CACNB4: variants seen among roughly 807,000 people sequenced by gnomAD.
CACNB4 encodes calcium voltage-gated channel auxiliary subunit beta 4.
In CACNB4, 32 loss-of-function variants were observed where a neutral mutation model predicts 71.2. The observed-to-expected ratio is 0.45, with a 90% confidence interval of 0.34 to 0.60. CACNB4 has a LOEUF of 0.60. Among genes scored for constraint, CACNB4 ranks in the 20% least tolerant of loss-of-function variants. CACNB4 has a pLI of 0.01. For missense variants in CACNB4, 464 were observed against 647.9 expected (o/e 0.72, Z 3.08); for synonymous variants, 231 against 236.9 (o/e 0.97, Z 0.23).
At chr2:151,888,243 C>T (rs1479237867) in intron 2 of CACNB4, among the ~76,000 whole-genome samples, 1 of 151,990 alleles carries the variant, frequency 6.6e-6, no homozygotes, top group Non-Finnish European at 1.5e-5. Context: ...CAAGGAGAAG[C>T]AAGGGTCTAC....
chr2:152,077,700 T>A lies in CACNB4; in HGVS notation c.147+20630A>T, dbSNP rs1204812312. ...GAGCCAAGATTGTGCCATTGCATTC[T>A]AGCCTGGGCGACAGAGGGACACTCC... On this transcript the variant is annotated intron_variant, in intron 2 of 13. Transcript: ENST00000539935. Among the ~76,000 whole-genome samples the A allele has an allele frequency of 2.0e-5, 3 of 151,780 alleles. No homozygotes were observed. The South Asian group carries it at 6.2e-4, about 32-fold the overall frequency.
At chr2:151,978,952 C>A (rs1421864529) in intron 2 of CACNB4, among the ~76,000 whole-genome samples, 1 of 152,080 alleles carries the variant, frequency 6.6e-6, no homozygotes, top group Non-Finnish European at 1.5e-5. Context: ...CACCTAGTGA[C>A]AGCACCCCCG....
chr2:152,035,555 GTC>G (rs1252359463), intron 2 of CACNB4, among the ~76,000 whole-genome samples: 1 of 136,960 alleles, frequency 7.3e-6, no homozygotes, highest in Middle Eastern at 4.7e-3. Context: ...GCGAAACTCC[GTC>G]TCTCTCTCTC....
intron 2 of CACNB4, among the ~76,000 whole-genome samples, chr2:152,081,947 T>G (rs550774811): frequency 6.6e-6 from 1 of 152,228 alleles, no homozygotes; most frequent in Non-Finnish European, 1.5e-5. Context: ...AGAATCAACC[T>G]TGTGGTTCCA....
At chr2:152,077,569 A>G (rs565666164) in intron 2 of CACNB4, among the ~76,000 whole-genome samples, 1 of 152,008 alleles carries the variant, frequency 6.6e-6, no homozygotes, top group African/African-American at 2.4e-5. Context: ...AACAAACAAA[A>G]AAATACAAAA....
intron 2 of CACNB4, among the ~76,000 whole-genome samples, chr2:152,001,171 G>A (rs192722879): frequency 5.3e-5 from 8 of 152,218 alleles, no homozygotes; most frequent in Non-Finnish European, 7.4e-5. Flanking sequence ...CTAGGAGGTC[G>A]GGATCAGAGC....
chr2:151,838,370 A>G lies in CACNB4; in HGVS notation c.*749T>C, dbSNP rs758849000. ...TTTGTATTTGTTTTTGCCAACTTCA[A>G]ATGAGCTAACAGTACTGACCAAACA... On this transcript the variant is annotated 3_prime_UTR_variant, in exon 14 of 14. Transcript: ENST00000539935. 3 of 152,752 alleles carry G rather than the reference A, an allele frequency of 2.0e-5. No individual in the cohort carries two copies. The highest frequency in any genetic ancestry group is 2.1e-4 in the South Asian group (1 of 4,826). The allele number at this position is 152,752 out of a possible 1,614,324, so 9.5% of individuals were successfully genotyped here.
intron 2 of CACNB4, among the ~76,000 whole-genome samples, chr2:152,097,110 T>G (rs564067983): frequency 9.2e-5 from 14 of 152,238 alleles, no homozygotes; most frequent in Admixed American, 9.2e-4. Flanking sequence ...ATTTCCATAA[T>G]GTACATGCTT....
intron 2 of CACNB4, among the ~76,000 whole-genome samples, chr2:152,029,318 C>A (rs1268442720): frequency 9.9e-5 from 15 of 151,630 alleles, no homozygotes; most frequent in Admixed American, 9.9e-4. Flanking sequence ...CATGGTGAAG[C>A]CCCGTCTCTA....
chr2:151,999,337 A>G (rs1427872981), intron 2 of CACNB4, among the ~76,000 whole-genome samples: 1 of 149,462 alleles, frequency 6.7e-6, no homozygotes, highest in Non-Finnish European at 1.5e-5. Context: ...ATTTCTTTCC[A>G]GTTGATGGTA....
chr2:151,993,393 C>T (rs914545969), intron 2 of CACNB4, among the ~76,000 whole-genome samples: 1 of 151,846 alleles, frequency 6.6e-6, no homozygotes, highest in Non-Finnish European at 1.5e-5. Flanking sequence ...TGGAACTGGA[C>T]GAGAAGGTAC....
intron 12 of CACNB4, among the ~76,000 whole-genome samples, chr2:151,842,762 T>G (rs1309080341): frequency 3.3e-5 from 5 of 152,214 alleles, no homozygotes; most frequent in Admixed American, 3.3e-4. Flanking sequence ...CTACACACTT[T>G]GGAATATGAG....
At chr2:152,000,911 C>T (rs1371266055) in intron 2 of CACNB4, among the ~76,000 whole-genome samples, 1 of 152,160 alleles carries the variant, frequency 6.6e-6, no homozygotes, top group African/African-American at 2.4e-5. Context: ...CCACCGTCAC[C>T]GCCCCAGAGG....
At chr2:152,024,517 T>C (rs1313770160) in intron 2 of CACNB4, among the ~76,000 whole-genome samples, 6 of 152,264 alleles carry the variant, frequency 3.9e-5, no homozygotes, top group Non-Finnish European at 5.9e-5. Flanking sequence ...AATTTTCTTA[T>C]TGGATAGCCC....
chr2:152,012,638 A>C (rs1683126625), intron 2 of CACNB4, among the ~76,000 whole-genome samples: 1 of 152,054 alleles, frequency 6.6e-6, no homozygotes, highest in Non-Finnish European at 1.5e-5. Context: ...GTAAAAGAAA[A>C]AAGTTCATAT....
intron 2 of CACNB4, among the ~76,000 whole-genome samples, chr2:152,051,212 C>G (rs1047416497): frequency 1.3e-5 from 2 of 152,158 alleles, no homozygotes; most frequent in African/African-American, 4.8e-5. Context: ...CCATCCCTAC[C>G]CAGCGGCCCA....
At chr2:151,890,817 A>G (rs2099850552) in intron 2 of CACNB4, among the ~76,000 whole-genome samples, 1 of 152,222 alleles carries the variant, frequency 6.6e-6, no homozygotes, top group Non-Finnish European at 1.5e-5. Flanking sequence ...TGGTATCTGT[A>G]GGCTACCAAG....
intron 2 of CACNB4, among the ~76,000 whole-genome samples, chr2:151,953,818 A>T (rs534622524): frequency 6.6e-6 from 1 of 152,206 alleles, no homozygotes; most frequent in Non-Finnish European, 1.5e-5. Flanking sequence ...GGTACTTGTG[A>T]ACTTTTCATT....
At chr2:151,861,852 A>AAAAAAAAAAAAAAAAAAC (rs1559883027) in intron 9 of CACNB4, 10 of 146,550 alleles carry the variant, frequency 6.8e-5, no homozygotes, top group African/African-American at 2.6e-4. Flanking sequence ...CAAAAAAAAA[A>AAAAAAAAAAAAAAAAAAC]AAAAAACTGA....
Sources: gnomAD v4.1 joint callset for allele counts (sites outside exome capture counted in the v4.1 genomes callset) on GRCh38, gnomAD v4.1.1 for gene constraint, MANE v1.5 for transcripts, NCBI Gene and HGNC (gene_info 2026-07-23, HGNC 2026-07-21) for gene names.